Variants in LAMA3 observed in about 807,000 individuals in gnomAD.
The protein encoded by LAMA3 is laminin subunit alpha 3, also known as laminin subunit alpha-3.
Under a neutral mutation model 402.0 loss-of-function variants are expected in LAMA3, and 281 were observed. That is an observed-to-expected ratio of 0.70 (90% CI 0.63 to 0.77). The LOEUF (loss-of-function observed/expected upper bound fraction) is 0.77, where lower values mean the gene tolerates loss of function less well. LAMA3 is among the 30% of genes least tolerant of loss of function. LAMA3 has a pLI of 0.00. For synonymous variants in LAMA3, 1,431 were observed against 1,558.4 expected (o/e 0.92, Z 1.93); for missense variants, 3,840 against 4,215.5 (o/e 0.91, Z 2.47).
intron 67 of LAMA3, among the ~76,000 whole-genome samples, chr18:23,938,358 C>T (rs1366831043): frequency 6.6e-6 from 1 of 152,178 alleles, no homozygotes; most frequent in African/African-American, 2.4e-5. Flanking sequence ...AACTTGAGCT[C>T]TGCGGTGGAG....
intron 47 of LAMA3, 136 bp from the exon 48 acceptor site, chr18:23,900,991 T>C (rs1031076850): frequency 1.8e-5 from 14 of 769,556 alleles, no homozygotes; most frequent in Middle Eastern, 3.4e-4. Context: ...TCAATGTGAG[T>C]TTCCTTTCCC....
chr18:23,739,694 A>G (rs772983420), intron 2 of LAMA3, among the ~76,000 whole-genome samples: 11 of 152,222 alleles, frequency 7.2e-5, no homozygotes, highest in Non-Finnish European at 1.3e-4. Context: ...AGGAAACTGG[A>G]GTGTTATGGA....
chr18:23,769,907 A>G (rs2062158523), intron 8 of LAMA3, among the ~76,000 whole-genome samples: 2 of 152,250 alleles, frequency 1.3e-5, no homozygotes, highest in Non-Finnish European at 2.9e-5. Context: ...AAGTAAATGA[A>G]TGGGAAAAAA....
At chr18:23,701,274 C>T (rs2060785070) in intron 1 of LAMA3, among the ~76,000 whole-genome samples, 1 of 152,206 alleles carries the variant, frequency 6.6e-6, no homozygotes, top group African/African-American at 2.4e-5. Flanking sequence ...ACTGGTGAGA[C>T]TCTGCCCAGA....
chr18:23,780,166 G>A (rs1363826020), intron 11 of LAMA3, among the ~76,000 whole-genome samples: 1 of 152,168 alleles, frequency 6.6e-6, no homozygotes, highest in Non-Finnish European at 1.5e-5. Flanking sequence ...CTTTTATTAA[G>A]TGCCTGTGCT....
chr18:23,741,030 T>C lies in LAMA3; in HGVS notation c.448-6913T>C, dbSNP rs1390886798. 5.9e-5 allele frequency among the ~76,000 whole-genome samples: 9 copies of C among 151,968 alleles called. No individual in the cohort carries two copies. In the East Asian group the frequency reaches 1.6e-3, roughly 26 times the overall value. The stretch of plus-strand genomic sequence containing the variant: ...GTGCAGTGGTGCGACCTTGGTTCAC[T>C]GCAAGCTCCACCTCCCAGGTTCACG... On this transcript the variant is annotated intron_variant, in intron 2 of 74. Transcript: ENST00000313654.
rs1272122387 is a variant in LAMA3, at chr18:23,842,427, C to T, written c.3369C>T (p.His1123=). Residue 1123 remains histidine, a synonymous_variant, in exon 28 of 75, where the codon CAC becomes CAT. Transcript: ENST00000313654. ...NQVTLRGRVP[H]LGRYVFVIHF... is the part of the protein sequence containing the mutation. ...TGACCCTGAGAGGACGTGTACCACA[C>T]CTGGGCCGATACGTCTTTGTCATCC... 1.2e-6 allele frequency: 2 copies of T among 1,613,994 alleles called. No homozygotes were observed. Among genetic ancestry groups the T allele is most frequent in the Non-Finnish European group, 1.7e-6 (2 of 1,180,042 alleles).
At chr18:23,744,366 A>G (rs1245547845) in intron 2 of LAMA3, among the ~76,000 whole-genome samples, 1 of 152,218 alleles carries the variant, frequency 6.6e-6, no homozygotes, top group East Asian at 1.9e-4. Flanking sequence ...TTCCTGAGAC[A>G]AAAATGGGAG....
At chr18:23,861,291 C>T (rs972699083) in intron 34 of LAMA3, among the ~76,000 whole-genome samples, 7 of 152,044 alleles carry the variant, frequency 4.6e-5, no homozygotes, top group Non-Finnish European at 8.8e-5. Context: ...TCACATTTTT[C>T]TTTATAAGGA....
chr18:23,901,516 G>T (rs539435639), intron 48 of LAMA3, among the ~76,000 whole-genome samples, 193 bp downstream of exon 48: 15 of 152,314 alleles, frequency 9.8e-5, no homozygotes, highest in Non-Finnish European at 1.6e-4. Context: ...TACCAGAAAA[G>T]ATTCTGAACT....
rs2064720914 is a variant in LAMA3 at position 23,876,527 on chromosome 18, T to C, written c.5112+120T>C. The C allele has an allele frequency of 8.8e-6, 6 of 681,136 alleles. No homozygotes were observed. In the South Asian group the frequency reaches 9.8e-5, roughly 11 times the overall value. The allele number at this position is 681,136 out of a possible 1,614,324, so 42.2% of individuals were successfully genotyped here. ...GCCAAACCCTAAATAGAGGTCGCTGTGTAAATATATGAGGCTCCATTATCA... is the reference window on the plus strand; with the variant it reads ...GCCAAACCCTAAATAGAGGTCGCTGCGTAAATATATGAGGCTCCATTATCA... On this transcript the variant is annotated intron_variant, in intron 39 of 74. Transcript: ENST00000313654.
intron 27 of LAMA3, among the ~76,000 whole-genome samples, chr18:23,840,164 C>T (rs1310112478): frequency 6.6e-6 from 1 of 152,188 alleles, no homozygotes; most frequent in Admixed American, 6.5e-5. Context: ...CCCAGAAATG[C>T]AGGCATCTGG....
rs374740265 is a variant in LAMA3 at position 23,691,730 on chromosome 18, C to T, written c.294+1753C>T. ...GGGACTATAGGCACATGCCACCATG[C>T]GTGGCTAATTTTTGTATCTTTTGTA... On this transcript the variant is annotated intron_variant, in intron 1 of 74. Transcript: ENST00000313654. Among the ~76,000 whole-genome samples, 44 of 152,310 alleles carry T rather than the reference C, an allele frequency of 2.9e-4. No individual in the cohort carries two copies. In the East Asian group the frequency reaches 6.9e-3, roughly 24 times the overall value.
In LAMA3 at chr18:23,950,107, A is replaced by G. The variant is rs112073265; in HGVS notation, c.9590A>G (p.His3197Arg). 6.6e-4 allele frequency: 1,064 copies of G among 1,614,176 alleles called. 11 individuals are homozygous for G. The African/African-American group carries it at 0.012, about 19-fold the overall frequency. ...RPRSLTGILI[H>R]IGSQPGKHLC... ...AGAAGTCTCACTGGGATCCTAATAC[A>G]CATCGGAAGTCAGCCCGGGAAGCAC... The change falls in exon 72 of 75, where the codon CAC becomes CGC. Residue 3197 changes from histidine (H) to arginine (R), a missense_variant. By Grantham distance (29) the His-to-Arg change is conservative. Transcript: ENST00000313654.
At chr18:23,804,742 T>C (rs1388445908) in intron 12 of LAMA3, among the ~76,000 whole-genome samples, 1 of 152,116 alleles carries the variant, frequency 6.6e-6, no homozygotes, top group Non-Finnish European at 1.5e-5. Context: ...ATCATGGAGA[T>C]GGATCCTTCA....
At chr18:23,915,544 G>A in intron 59 of LAMA3, 122 bp downstream of exon 59, 1 of 910,542 alleles carries the variant, frequency 1.1e-6, no homozygotes, top group East Asian at 2.4e-5. Context: ...CTTTGGGCCA[G>A]TAGTTCTTCA....
intron 32 of LAMA3, among the ~76,000 whole-genome samples, chr18:23,849,518 T>G (rs544826772): frequency 6.6e-6 from 1 of 152,344 alleles, no homozygotes; most frequent in East Asian, 1.9e-4. Flanking sequence ...AAATGGAACT[T>G]CACACACAAT....
chr18:23,854,045 A>T (rs1485426083), intron 32 of LAMA3, among the ~76,000 whole-genome samples: 1 of 152,154 alleles, frequency 6.6e-6, no homozygotes, highest in East Asian at 1.9e-4. Flanking sequence ...CAGCGGGGCC[A>T]CTCAGGGTCC....
rs764415240 is a variant in LAMA3 at position 23,861,076 on chromosome 18, T to G, written c.4423-570T>G. Among the ~76,000 whole-genome samples, 4 of 151,844 alleles carry G rather than the reference T, an allele frequency of 2.6e-5. No individual in the cohort carries two copies. The East Asian group carries it at 7.7e-4, about 29-fold the overall frequency. ...CTCCTAAAAGGAGTGTAGCTAGTAA[T>G]TGGAAAAAAAAAATACTTTGTAAAT... On this transcript the variant is annotated intron_variant, in intron 34 of 74. Coordinates refer to ENST00000313654, the MANE Select transcript of LAMA3 (RefSeq NM_198129.4).
Sources: allele counts gnomAD v4.1 joint callset (sites outside exome capture counted in the v4.1 genomes callset), GRCh38; gene constraint gnomAD v4.1.1; transcripts MANE v1.5; gene names NCBI Gene and HGNC (gene_info 2026-07-23, HGNC 2026-07-21).